ADGRD1: variants seen among roughly 807,000 people sequenced by gnomAD.
ADGRD1 encodes adhesion G protein-coupled receptor D1.
In ADGRD1, 77 loss-of-function variants were observed where a neutral mutation model predicts 113.4. The observed-to-expected ratio is 0.68, with a 90% CI of 0.57 to 0.82. The LOEUF is 0.82. ADGRD1 is among the 40% of genes least tolerant of loss of function. ADGRD1 has a pLI of 0.00. For missense variants in ADGRD1, 1,036 were observed against 1,139.1 expected (o/e 0.91, Z 1.30); for synonymous variants, 474 against 475.0 (o/e 1.00, Z 0.03).
chr12:131,015,284 G>A (rs1050709037), intron 13 of ADGRD1, among the ~76,000 whole-genome samples: 2 of 152,258 alleles, frequency 1.3e-5, no homozygotes, highest in African/African-American at 4.8e-5. Flanking sequence ...TACTGGAGAC[G>A]GAGATGGGAC....
chr12:131,016,430 G>C (rs1331947580), intron 13 of ADGRD1, among the ~76,000 whole-genome samples: 1 of 152,252 alleles, frequency 6.6e-6, no homozygotes, highest in African/African-American at 2.4e-5. Flanking sequence ...TGTGTGGAGA[G>C]AATCCTGGTC....
intron 24 of ADGRD1, among the ~76,000 whole-genome samples, chr12:131,138,709 G>A (rs780465375): frequency 2.3e-4 from 35 of 152,138 alleles, no homozygotes; most frequent in Non-Finnish European, 3.7e-4. Context: ...GCCCCCGCCC[G>A]CAGCTGTGTG....
At chr12:131,018,792 A>ATAG (rs1307185382) in intron 13 of ADGRD1, among the ~76,000 whole-genome samples, 93 of 152,328 alleles carry the variant, frequency 6.1e-4, no homozygotes, top group Non-Finnish European at 1.2e-3. Flanking sequence ...TTCTCAAAGC[A>ATAG]CAGCCGTTTC....
intron 14 of ADGRD1, among the ~76,000 whole-genome samples, chr12:131,083,808 A>C (rs1886249591): frequency 1.3e-5 from 2 of 152,168 alleles, no homozygotes; most frequent in African/African-American, 4.8e-5. Context: ...AAACATAAAA[A>C]AGCAAGGGTC....
At position 131,003,053 on chromosome 12, in the gene ADGRD1, G is replaced by A; in HGVS notation, c.1027-132G>A. On this transcript the variant is annotated intron_variant, in intron 9 of 24. Coordinates refer to ENST00000261654, the MANE Select transcript of ADGRD1 (RefSeq NM_198827.5). This position sits in a 1 kb window ranked among gnomAD's most constrained non-coding sequence, Gnocchi z 4.8. The stretch of plus-strand genomic sequence containing the variant: ...GGTCCCCTCCTGATCCATGGGAAGG[G>A]GCAGTTGTGTGACTTCTTCCTCCCT... The A allele has an allele frequency of 3.8e-6, 3 of 783,262 alleles. No homozygotes were observed. Among genetic ancestry groups the A allele is most frequent in the Non-Finnish European group, 6.7e-6 (3 of 450,134 alleles). 48.5% of individuals were successfully genotyped at this position (783,262 alleles called of 1,614,324 possible). A position where few individuals can be genotyped will look rare whatever the true frequency, so the allele number is the denominator to read the frequency against.
intron 23 of ADGRD1, chr12:131,137,698 C>A: frequency 4.0e-6 from 1 of 250,728 alleles, no homozygotes; most frequent in African/African-American, 2.2e-5. Flanking sequence ...GGTGGCCGGG[C>A]AGAAGGGCTG....
chr12:130,995,143 A>G (rs1465431627), intron 8 of ADGRD1, among the ~76,000 whole-genome samples: 2 of 152,172 alleles, frequency 1.3e-5, no homozygotes, highest in Non-Finnish European at 2.9e-5. Flanking sequence ...GTCTGTGGGA[A>G]GAGTTGGTGG....
chr12:131,104,474 G>T (rs889494372), intron 15 of ADGRD1, among the ~76,000 whole-genome samples: 2 of 152,180 alleles, frequency 1.3e-5, no homozygotes, highest in African/African-American at 4.8e-5. Context: ...ACTTGAACCC[G>T]GGAGGTCTGG....
chr12:131,102,686 C>T (rs1950115701), intron 15 of ADGRD1, among the ~76,000 whole-genome samples: 2 of 152,204 alleles, frequency 1.3e-5, no homozygotes, highest in South Asian at 2.1e-4. Flanking sequence ...TGGAGGCACA[C>T]ACCCAGGGGA....
At position 131,041,201 on chromosome 12, in the gene ADGRD1, G is replaced by C. The variant is rs73477375; in HGVS notation, c.1473+26861G>C. On this transcript the variant is annotated intron_variant, in intron 13 of 24. Coordinates refer to ENST00000261654, the MANE Select transcript of ADGRD1 (RefSeq NM_198827.5). The surrounding 1 kb of genome is among the most constrained non-coding windows in gnomAD (Gnocchi z 4.4). ...GGGGGTCTTGGTGCTGGCCACTGGC[G>C]CAGAGAATGTGGGGAGGCACCCAGA... 3.3e-5 allele frequency among the ~76,000 whole-genome samples: 5 copies of C among 152,208 alleles called. No homozygotes were observed. Among genetic ancestry groups the C allele is most frequent in the Non-Finnish European group, 7.3e-5 (5 of 68,042 alleles).
chr12:131,077,718 T>C (rs1566088866), intron 14 of ADGRD1, among the ~76,000 whole-genome samples: 1 of 152,046 alleles, frequency 6.6e-6, no homozygotes, highest in Non-Finnish European at 1.5e-5. Flanking sequence ...AGGTCATCAG[T>C]TTTCATGGCT....
chr12:131,070,238 T>G (rs966707986), intron 13 of ADGRD1: 32 of 152,652 alleles, frequency 2.1e-4, no homozygotes, highest in African/African-American at 5.5e-4. Context: ...GCGACCTGTA[T>G]GAGGCGAGAC....
intron 16 of ADGRD1, 79 bp from the exon 17 acceptor site, chr12:131,105,675 C>T: frequency 1.9e-6 from 2 of 1,062,254 alleles, no homozygotes; most frequent in East Asian, 2.5e-5. Flanking sequence ...GATATAGGGA[C>T]TTCGTGGGGC....
At chr12:130,985,302 C>T (rs867596959) in intron 5 of ADGRD1, among the ~76,000 whole-genome samples, 1 of 152,124 alleles carries the variant, frequency 6.6e-6, no homozygotes, top group Non-Finnish European at 1.5e-5. Context: ...TCTCCCCATC[C>T]GTGACTTGTC....
intron 20 of ADGRD1, among the ~76,000 whole-genome samples, chr12:131,128,737 G>A (rs1031552841): frequency 4.6e-5 from 7 of 152,158 alleles, no homozygotes; most frequent in Admixed American, 2.6e-4. Context: ...ACCCCATGGC[G>A]GCCTTCAGTG....
In ADGRD1 at chr12:130,966,656, G is replaced by A. The variant is rs941166121; in HGVS notation, c.187+110G>A. ...TGAAATCCCAGGGCCATTGGGGGAC[G>A]TGGGTGCTGAGAGTGACTGTGGGCC... On this transcript the variant is annotated intron_variant, in intron 3 of 24. Transcript: ENST00000261654. This position sits in a 1 kb window ranked among gnomAD's most constrained non-coding sequence, Gnocchi z 4.6. 4.6e-5 allele frequency: 34 copies of A among 740,590 alleles called. No individual in the cohort carries two copies. Among genetic ancestry groups the A allele is most frequent in the Admixed American group, 2.0e-4 (10 of 51,080 alleles). The allele number at this position is 740,590 out of a possible 1,614,324, so 45.9% of individuals were successfully genotyped here.
At chr12:131,137,868 A>C (rs1246700571) in intron 23 of ADGRD1, 1 of 194,412 alleles carries the variant, frequency 5.1e-6, no homozygotes, top group Non-Finnish European at 9.5e-6. Context: ...CTTCTCTCTC[A>C]CACTCACCCC....
At chr12:130,969,037 A>C in intron 3 of ADGRD1, 1 of 1,533,740 alleles carries the variant, frequency 6.5e-7, no homozygotes, top group Non-Finnish European at 8.7e-7. Context: ...GTGTATTCCA[A>C]TGATTCTGCC....
chr12:131,010,835 C>T (rs1877777236), intron 12 of ADGRD1, among the ~76,000 whole-genome samples: 1 of 152,162 alleles, frequency 6.6e-6, no homozygotes, highest in African/African-American at 2.4e-5. Context: ...GCCAGGCAGG[C>T]CCTGGAAGAG....
Sources: gnomAD v4.1 joint callset for allele counts (sites outside exome capture counted in the v4.1 genomes callset) on GRCh38, gnomAD v4.1.1 for gene constraint, Gnocchi (gnomAD v3.1) non-coding constraint, MANE v1.5 for transcripts, NCBI Gene and HGNC (gene_info 2026-07-23, HGNC 2026-07-21) for gene names.